Variants in CNTN5 observed in about 807,000 individuals in gnomAD.
CNTN5 encodes contactin-5.
CNTN5 carries 77 observed loss-of-function variants against 129.1 expected under a neutral mutation model. The ratio of observed to expected loss-of-function variants is 0.60; its 90% CI spans 0.50 to 0.72. CNTN5 has a LOEUF of 0.72. CNTN5 is among the 30% of genes least tolerant of loss of function. The probability of loss-of-function intolerance (pLI) is 0.00; values close to 1 mark genes in which losing one functional copy is unlikely to be tolerated. For synonymous variants in CNTN5, 509 were observed against 465.6 expected (o/e 1.09, Z -1.20); for missense variants, 1,478 against 1,328.8 (o/e 1.11, Z -1.75).
At chr11:99,567,092 T>C (rs1470851219) in intron 3 of CNTN5, among the ~76,000 whole-genome samples, 1 of 152,174 alleles carries the variant, frequency 6.6e-6, no homozygotes, top group Non-Finnish European at 1.5e-5. Flanking sequence ...GTAAGTAAAG[T>C]ATTTTTTTCT....
At chr11:100,016,126 C>T (rs1022542905) in intron 9 of CNTN5, among the ~76,000 whole-genome samples, 1 of 151,990 alleles carries the variant, frequency 6.6e-6, no homozygotes, top group Admixed American at 6.6e-5. Flanking sequence ...TATGTTCTCA[C>T]CAAATAAGTA....
chr11:99,724,753 A>C (rs986952782), intron 3 of CNTN5, among the ~76,000 whole-genome samples: 1 of 152,134 alleles, frequency 6.6e-6, no homozygotes, highest in African/African-American at 2.4e-5. Flanking sequence ...ACAGTATCTG[A>C]CAAAAAAAAA....
chr11:99,273,091 C>T (rs529853205), intron 1 of CNTN5, among the ~76,000 whole-genome samples: 6 of 151,434 alleles, frequency 4.0e-5, no homozygotes, highest in Admixed American at 1.3e-4. Flanking sequence ...TAGAGTGTCA[C>T]GGAAAGAAAA....
chr11:99,827,223 A>T (rs749453407), intron 4 of CNTN5, among the ~76,000 whole-genome samples: 14 of 152,030 alleles, frequency 9.2e-5, no homozygotes, highest in Non-Finnish European at 1.6e-4. Flanking sequence ...TGGTAGCTGG[A>T]ACTACAGGCA....
At chr11:99,870,677 C>T (rs777841547) in intron 6 of CNTN5, among the ~76,000 whole-genome samples, 7 of 152,042 alleles carry the variant, frequency 4.6e-5, no homozygotes, top group East Asian at 1.9e-4. Flanking sequence ...TTTTCCCTAG[C>T]TTTTCTTTGT....
chr11:100,011,405 T>C (rs549514988), intron 9 of CNTN5, among the ~76,000 whole-genome samples: 5 of 152,308 alleles, frequency 3.3e-5, no homozygotes, highest in African/African-American at 1.2e-4. Flanking sequence ...ATGACAGGCC[T>C]GCCAGCTAAT....
intron 2 of CNTN5, among the ~76,000 whole-genome samples, chr11:99,417,349 G>A (rs1348276127): frequency 6.6e-6 from 1 of 152,164 alleles, no homozygotes; most frequent in Non-Finnish European, 1.5e-5. Context: ...TAATTAGACA[G>A]TGGTTATCTC....
intron 23 of CNTN5, among the ~76,000 whole-genome samples, chr11:100,345,843 C>A (rs1952267469): frequency 6.6e-6 from 1 of 152,074 alleles, no homozygotes; most frequent in Admixed American, 6.6e-5. Context: ...TTCAAGATAT[C>A]ATAGTTTTCA....
intron 21 of CNTN5, among the ~76,000 whole-genome samples, chr11:100,324,942 T>G (rs1435718729): frequency 6.6e-6 from 1 of 152,196 alleles, no homozygotes; most frequent in Non-Finnish European, 1.5e-5. Context: ...ACAAAGTAAC[T>G]AATATGCATG....
chr11:100,001,240 G>C (rs1939855266), intron 8 of CNTN5, among the ~76,000 whole-genome samples: 2 of 152,108 alleles, frequency 1.3e-5, no homozygotes, highest in African/African-American at 4.8e-5. Flanking sequence ...TGTCTTACGT[G>C]GTGGCAGAAG....
chr11:99,964,860 G>A (rs1321697463), intron 8 of CNTN5, among the ~76,000 whole-genome samples: 1 of 152,130 alleles, frequency 6.6e-6, no homozygotes, highest in Admixed American at 6.5e-5. Flanking sequence ...TCTATTCAGA[G>A]ATTCAACTTC....
At chr11:99,298,812 C>T (rs1450342054) in intron 1 of CNTN5, among the ~76,000 whole-genome samples, 1 of 151,890 alleles carries the variant, frequency 6.6e-6, no homozygotes, top group Non-Finnish European at 1.5e-5. Context: ...AACATTCCAA[C>T]CCTGAGATAA....
At chr11:100,081,203 G>GA in intron 13 of CNTN5, among the ~76,000 whole-genome samples, 1 of 151,924 alleles carries the variant, frequency 6.6e-6, no homozygotes, top group East Asian at 1.9e-4. Flanking sequence ...TATTTTATTA[G>GA]AAAAATATAA....
chr11:99,424,344 T>G (rs1298496365), intron 2 of CNTN5, among the ~76,000 whole-genome samples: 5 of 151,622 alleles, frequency 3.3e-5, no homozygotes, highest in Non-Finnish European at 7.4e-5. Flanking sequence ...GATCTGGGGG[T>G]TGTCGCTTTC....
At chr11:99,168,577 C>CTCAAA (rs1332661476) in intron 1 of CNTN5, among the ~76,000 whole-genome samples, 1 of 43,612 alleles carries the variant, frequency 2.3e-5, no homozygotes, top group African/African-American at 6.3e-5. Flanking sequence ...GAGACTCCAT[C>CTCAAA]TCAAAACAAA....
rs547793542 is a variant in CNTN5, at chr11:99,932,221, C to T, written c.673+16072C>T. Among the ~76,000 whole-genome samples, 9 of 152,236 alleles carry T rather than the reference C, an allele frequency of 5.9e-5. No homozygotes were observed. In the South Asian group the frequency reaches 6.2e-4, roughly 11 times the overall value. ...ATTTTATTTTTTTGAGACGGAGTCTCGCTGTTGTCAGCCCGGGCTGGAGTT... is the reference window on the plus strand; with the variant it reads ...ATTTTATTTTTTTGAGACGGAGTCTTGCTGTTGTCAGCCCGGGCTGGAGTT... On this transcript the variant is annotated intron_variant, in intron 7 of 24. Transcript: ENST00000524871.
At chr11:99,824,340 G>A (rs554980104) in intron 4 of CNTN5, among the ~76,000 whole-genome samples, 1 of 151,942 alleles carries the variant, frequency 6.6e-6, no homozygotes, top group African/African-American at 2.4e-5. Flanking sequence ...TTGTGGTTTA[G>A]TTTGCATTTT....
intron 2 of CNTN5, among the ~76,000 whole-genome samples, chr11:99,500,116 T>C (rs1387504628): frequency 6.8e-6 from 1 of 146,784 alleles, no homozygotes; most frequent in Non-Finnish European, 1.5e-5. Flanking sequence ...GGAGTAGATT[T>C]GTTTGATAAT....
intron 1 of CNTN5, among the ~76,000 whole-genome samples, chr11:99,036,311 T>G (rs1863730771): frequency 6.6e-6 from 1 of 152,134 alleles, no homozygotes; most frequent in African/African-American, 2.4e-5. Context: ...TCAGATTTTT[T>G]TTTCCCAAGA....
Sources: allele counts gnomAD v4.1 joint callset (sites outside exome capture counted in the v4.1 genomes callset), GRCh38; gene constraint gnomAD v4.1.1; transcripts MANE v1.5; gene names NCBI Gene and HGNC (gene_info 2026-07-23, HGNC 2026-07-21).